The following RAD50 variants were observed in gnomAD, a reference collection of about 807,000 sequenced individuals.
The protein encoded by RAD50 is RAD50 double strand break repair protein.
In RAD50, 132 loss-of-function variants were observed where a neutral mutation model predicts 168.8. The ratio of observed to expected loss-of-function variants is 0.78; its 90% confidence interval spans 0.68 to 0.90. The LOEUF (loss-of-function observed/expected upper bound fraction) is 0.90. RAD50 is among the 40% of genes least tolerant of loss of function. The pLI is 0.00. For missense variants in RAD50, 1,347 were observed against 1,534.4 expected (o/e 0.88, Z 2.04); for synonymous variants, 525 against 497.4 (o/e 1.06, Z -0.74).
rs1053293523 is a variant in RAD50, at chr5:132,642,438, T to C, written c.*74T>C. On this transcript the variant is annotated 3_prime_UTR_variant, in exon 25 of 25. Coordinates refer to ENST00000378823, the MANE Select transcript of RAD50 (RefSeq NM_005732.4). ...TATAATAAGAAACTTATTTCTCATA[T>C]CAACTTAGTCAATAAGAAAATATAT... is the stretch of plus-strand genomic sequence containing the variant. The C allele has an allele frequency of 3.1e-6, 4 of 1,275,690 alleles. No homozygotes were observed. Among genetic ancestry groups the C allele is most frequent in the Admixed American group, 4.0e-5 (2 of 49,546 alleles). The allele number at this position is 1,275,690 out of a possible 1,614,324, so 79.0% of individuals were successfully genotyped here.
rs1561634427 is a variant in RAD50, at chr5:132,575,896, T to G, written c.333T>G (p.Phe111Leu). The G allele has an allele frequency of 6.2e-7, 1 of 1,611,156 alleles. No individual in the cohort carries two copies. The highest frequency in any genetic ancestry group is 8.5e-7 in the Non-Finnish European group (1 of 1,177,348). The change falls in exon 3 of 25, where the codon TTT becomes TTG. Residue 111 changes from phenylalanine to leucine, a missense_variant. By Grantham distance (22) the Phe-to-Leu change is conservative (BLOSUM62 0). Around this residue, in one of 3 missense-constraint regions of RAD50, gnomAD observed 703 missense variants for 767.7 expected, o/e 0.92. Transcript: ENST00000378823. Reference protein sequence around the residue: ...VCTQKSKKTEFKTLEGVITRT... With the variant: ...VCTQKSKKTELKTLEGVITRT... ...CTCAGAAAAGCAAAAAGACAGAATTTAAAACTCTGGAAGGAGTCATTACTA... is the reference window on the plus strand; with the variant it reads ...CTCAGAAAAGCAAAAAGACAGAATTGAAAACTCTGGAAGGAGTCATTACTA...
intron 11 of RAD50, among the ~76,000 whole-genome samples, 185 bp downstream of exon 11, chr5:132,592,219 CTG>C (rs918113653): frequency 6.6e-6 from 1 of 152,082 alleles, no homozygotes; most frequent in Non-Finnish European, 1.5e-5. Context: ...TTTAAATAAA[CTG>C]TATTTCTCAA....
rs540051893 is a variant in RAD50, at chr5:132,642,054, A to G, written c.3753-124A>G. 1.6e-5 allele frequency: 17 copies of G among 1,037,892 alleles called. No homozygotes were observed. The African/African-American group carries it at 2.2e-4, about 14-fold the overall frequency. 64.3% of individuals were successfully genotyped at this position (1,037,892 alleles called of 1,614,324 possible). On this transcript the variant is annotated intron_variant, in intron 24 of 24. Transcript: ENST00000378823. ...CTGGGGCCACCCCTCCACTTCCTGC[A>G]GGGTAGCTGGGGCCCTGACACACAG...
Position 132,589,380 on chromosome 5 carries a change from A to G in RAD50, c.1246-251A>G, listed in dbSNP as rs572167629. Among the ~76,000 whole-genome samples, 88 of 152,340 alleles carry G rather than the reference A, an allele frequency of 5.8e-4. 1 individual carries two copies. In the South Asian group the frequency reaches 0.017, roughly 29 times the overall value. ...AATATGCTGTATAGGTTTGTAGCCC[A>G]TAAACAATAGGCTATACCATATAGT... On this transcript the variant is annotated intron_variant, in intron 8 of 24. Transcript: ENST00000378823.
intron 21 of RAD50, among the ~76,000 whole-genome samples, chr5:132,633,105 T>TC (rs1017531952): frequency 2.1e-5 from 3 of 145,588 alleles, no homozygotes; most frequent in African/African-American, 7.6e-5. Flanking sequence ...TTTCTTTTTT[T>TC]TTTTTTTTTT....
At chr5:132,617,281 A>C (rs888292045) in intron 20 of RAD50, among the ~76,000 whole-genome samples, 1 of 152,226 alleles carries the variant, frequency 6.6e-6, no homozygotes, top group African/African-American at 2.4e-5. Flanking sequence ...TAATTGGTAC[A>C]TAACAGTACT....
intron 21 of RAD50, among the ~76,000 whole-genome samples, chr5:132,629,400 G>C (rs759327302): frequency 6.6e-6 from 1 of 152,192 alleles, no homozygotes; most frequent in Non-Finnish European, 1.5e-5. Flanking sequence ...ACAGAGGCAT[G>C]CTGAGCAGAA....
intron 2 of RAD50, among the ~76,000 whole-genome samples, chr5:132,560,948 A>G (rs926716425): frequency 6.6e-6 from 1 of 152,002 alleles, no homozygotes; most frequent in East Asian, 1.9e-4. Flanking sequence ...TTTTCCCTCA[A>G]TCTACTCCAT....
intron 5 of RAD50, among the ~76,000 whole-genome samples, chr5:132,582,845 A>T (rs1287165252): frequency 6.6e-6 from 1 of 151,984 alleles, no homozygotes; most frequent in Non-Finnish European, 1.5e-5. Context: ...CTAGGTGTGT[A>T]CTCTGGGGAT....
At chr5:132,632,904 CT>C (rs1290141609) in intron 21 of RAD50, among the ~76,000 whole-genome samples, 1 of 152,036 alleles carries the variant, frequency 6.6e-6, no homozygotes, top group East Asian at 1.9e-4. Flanking sequence ...AGTTAAATGT[CT>C]TTTTGTATGT....
chr5:132,584,853 C>G (rs1477219882), intron 5 of RAD50, among the ~76,000 whole-genome samples: 2 of 150,212 alleles, frequency 1.3e-5, no homozygotes, highest in African/African-American at 4.9e-5. Context: ...GAACAAAAAA[C>G]CAAACACCGC....
At chr5:132,576,131 C>T (rs780310041) in intron 3 of RAD50, among the ~76,000 whole-genome samples, 5 of 152,160 alleles carry the variant, frequency 3.3e-5, no homozygotes, top group Admixed American at 6.5e-5. Context: ...CCTACCCCCA[C>T]GCACACACAG....
At chr5:132,572,826 C>T (rs1385645528) in intron 2 of RAD50, among the ~76,000 whole-genome samples, 1 of 152,192 alleles carries the variant, frequency 6.6e-6, no homozygotes, top group Non-Finnish European at 1.5e-5. Flanking sequence ...AGATACTTTG[C>T]CTCATTCAAA....
At chr5:132,568,196 G>C (rs778112109) in intron 2 of RAD50, among the ~76,000 whole-genome samples, 1 of 151,668 alleles carries the variant, frequency 6.6e-6, no homozygotes, top group Non-Finnish European at 1.5e-5. Context: ...TCAGCCTCCC[G>C]AGTAGCTGGA....
At position 132,642,746 on chromosome 5, in the gene RAD50, G is replaced by A; in HGVS notation, c.*382G>A. ...GGTTTTGGTATTTTTTTAAATCATAGTTAAATGTTACCTCTGAATTTACTT... is the reference window on the plus strand; with the variant it reads ...GGTTTTGGTATTTTTTTAAATCATAATTAAATGTTACCTCTGAATTTACTT... On this transcript the variant is annotated 3_prime_UTR_variant, in exon 25 of 25. Coordinates refer to ENST00000378823, the MANE Select transcript of RAD50 (RefSeq NM_005732.4). The A allele has an allele frequency of 1.3e-5, 5 of 378,072 alleles. No individual in the cohort carries two copies. Among genetic ancestry groups the A allele is most frequent in the South Asian group, 1.1e-4 (4 of 35,742 alleles). 23.4% of individuals were successfully genotyped at this position (378,072 alleles called of 1,614,324 possible).
chr5:132,618,570 G>T (rs1476995830), intron 21 of RAD50, among the ~76,000 whole-genome samples: 2 of 152,062 alleles, frequency 1.3e-5, no homozygotes, highest in Admixed American at 1.3e-4. Context: ...TAGAGACGGG[G>T]TTTCTCCATG....
chr5:132,609,380 A>T lies in RAD50; in HGVS notation c.3020A>T (p.Asp1007Val). 1 of 1,613,804 alleles carries T rather than the reference A, an allele frequency of 6.2e-7. No homozygotes were observed. Among genetic ancestry groups the T allele is most frequent in the South Asian group, 1.1e-5 (1 of 91,050 alleles). Residue 1007 changes from aspartate to valine, a missense_variant, in exon 19 of 25, where the codon GAT becomes GTT. By Grantham distance (152) the Asp-to-Val change is radical. This residue lies in a region of RAD50 where 635 missense variants were observed against 739.2 expected (regional missense o/e 0.86). Coordinates refer to ENST00000378823, the MANE Select transcript of RAD50 (RefSeq NM_005732.4). ...GAAGATATGAGACTCATGAGACAAG[A>T]TATTGATACACAGAAGGTAGGTCTG... ...INEDMRLMRQ[D>V]IDTQKIQERW... is the part of the protein sequence containing the mutation.
chr5:132,604,058 T>C lies in RAD50; in HGVS notation c.2524+12T>C. On this transcript the variant is annotated intron_variant, in intron 15 of 24. Transcript: ENST00000378823. ...CAAGTTAGACACAGGTAATACAGTC[T>C]GTGTCCTTCTGTACTCATAGAGACT... 1.9e-6 allele frequency: 3 copies of C among 1,612,984 alleles called. No homozygotes were observed. The highest frequency in any genetic ancestry group is 1.1e-5 in the South Asian group (1 of 90,992).
chr5:132,581,164 G>A (rs950816249), intron 5 of RAD50, among the ~76,000 whole-genome samples: 8 of 151,830 alleles, frequency 5.3e-5, no homozygotes, highest in African/African-American at 1.7e-4. Context: ...GCAGTGGCAC[G>A]ATCTCGGCTC....
Sources: allele counts gnomAD v4.1 joint callset (sites outside exome capture counted in the v4.1 genomes callset), GRCh38; gene constraint gnomAD v4.1.1; regional missense constraint gnomAD v4.1.1; transcripts MANE v1.5; gene names NCBI Gene and HGNC (gene_info 2026-07-23, HGNC 2026-07-21).